THSD7B: variants seen among roughly 807,000 people sequenced by gnomAD.
The protein encoded by THSD7B is thrombospondin type-1 domain-containing protein 7B.
In THSD7B, 138 loss-of-function variants were observed where a neutral mutation model predicts 213.6. The observed-to-expected ratio is 0.65, with a 90% CI of 0.56 to 0.74. The LOEUF is 0.74. Ranked by LOEUF, THSD7B falls within the 30% of genes least tolerant of loss-of-function variation. The pLI, the probability that THSD7B is intolerant of heterozygous loss-of-function variation, is 0.00. For missense variants in THSD7B, 1,931 were observed against 1,991.5 expected (o/e 0.97, Z 0.58); for synonymous variants, 742 against 687.0 (o/e 1.08, Z -1.25).
At position 137,252,282 on chromosome 2, in the gene THSD7B, A is replaced by AC. The variant is rs1159569869; in HGVS notation, c.2266+9710_2266+9711insC. Among the ~76,000 whole-genome samples the AC allele has an allele frequency of 5.3e-5, 8 of 151,176 alleles. No homozygotes were observed. In the East Asian group the frequency reaches 5.8e-4, roughly 11 times the overall value. On this transcript the variant is annotated intron_variant, in intron 10 of 27. Coordinates refer to ENST00000409968, the MANE Select transcript of THSD7B (RefSeq NM_001316349.2). ...ACTCTGTCTCAAAAAAAAAAAAAAA[A>AC]AAAAAAAACAAAGGGTTGGGGGGCT...
intron 15 of THSD7B, among the ~76,000 whole-genome samples, chr2:137,502,928 GTCCATTCAC>G (rs1679743475): frequency 6.6e-6 from 1 of 152,040 alleles, no homozygotes; most frequent in South Asian, 2.1e-4. Context: ...AATGGAAAAA[GTCCATTCAC>G]TCTGTAATTT....
At chr2:137,583,923 TTTGGCAGTA>T (rs1681648720) in intron 17 of THSD7B, among the ~76,000 whole-genome samples, 1 of 152,190 alleles carries the variant, frequency 6.6e-6, no homozygotes, top group South Asian at 2.1e-4. Flanking sequence ...ATAAATTACC[TTTGGCAGTA>T]TGGGCATTTT....
intron 12 of THSD7B, among the ~76,000 whole-genome samples, chr2:137,399,526 C>T (rs1325418728): frequency 1.3e-5 from 2 of 152,162 alleles, no homozygotes; most frequent in Non-Finnish European, 2.9e-5. Context: ...TTCCCATTCT[C>T]TTCTGGCCTG....
intron 3 of THSD7B, among the ~76,000 whole-genome samples, chr2:137,057,744 G>A (rs1023278004): frequency 3.9e-5 from 6 of 152,072 alleles, no homozygotes; most frequent in Admixed American, 6.5e-5. Flanking sequence ...CAATAATACC[G>A]AAAAGTTGTT....
chr2:137,197,004 C>T (rs931262675), intron 7 of THSD7B, among the ~76,000 whole-genome samples: 1 of 152,106 alleles, frequency 6.6e-6, no homozygotes, highest in Non-Finnish European at 1.5e-5. Flanking sequence ...AAGGTGCAGA[C>T]CCTGAATCTA....
chr2:137,091,129 ATTAGGATCCCT>A (rs1332605028), intron 3 of THSD7B, among the ~76,000 whole-genome samples: 1 of 152,228 alleles, frequency 6.6e-6, no homozygotes, highest in Non-Finnish European at 1.5e-5. Flanking sequence ...GAAAACAAGA[ATTAGGATCCCT>A]TTTCGAAAAT....
chr2:136,854,510 C>T (rs989214196), intron 1 of THSD7B, among the ~76,000 whole-genome samples: 5 of 151,976 alleles, frequency 3.3e-5, no homozygotes, highest in Non-Finnish European at 7.4e-5. Context: ...GTGATGTCCT[C>T]CCATGGCCCC....
In THSD7B at chr2:137,321,886, G is replaced by A. The variant is rs1443259172; in HGVS notation, c.2500+45860G>A. On this transcript the variant is annotated intron_variant, in intron 12 of 27. Transcript: ENST00000409968. ...TCATAATAATTAACTTCTGTGCCTT[G>A]TGAGCAGGAAAGCAGCATCAGCTAT... 1.4e-3 allele frequency among the ~76,000 whole-genome samples: 220 copies of A among 152,330 alleles called. 1 individual carries two copies. Among genetic ancestry groups the A allele is most frequent in the Non-Finnish European group, 2.2e-3 (152 of 68,034 alleles).
intron 13 of THSD7B, among the ~76,000 whole-genome samples, chr2:137,407,571 T>C (rs1686556358): frequency 6.6e-6 from 1 of 152,194 alleles, no homozygotes; most frequent in Non-Finnish European, 1.5e-5. Context: ...TATTTTGTTA[T>C]CTCTAAGTAA....
intron 12 of THSD7B, among the ~76,000 whole-genome samples, chr2:137,375,385 A>G (rs1291459655): frequency 6.6e-6 from 1 of 152,190 alleles, no homozygotes. Flanking sequence ...TTTACATTGA[A>G]AAATGAATCT....
At chr2:137,452,626 T>C (rs888169878) in intron 15 of THSD7B, among the ~76,000 whole-genome samples, 2 of 152,168 alleles carry the variant, frequency 1.3e-5, no homozygotes, top group African/African-American at 4.8e-5. Context: ...TGTTAAACAC[T>C]CATTTTAATA....
chr2:136,886,528 A>G (rs1683720021), intron 2 of THSD7B, among the ~76,000 whole-genome samples: 1 of 152,128 alleles, frequency 6.6e-6, no homozygotes, highest in Non-Finnish European at 1.5e-5. Context: ...ATGCCTGGAG[A>G]CATTTCTGGT....
At chr2:137,511,454 A>C (rs1226068883) in intron 15 of THSD7B, among the ~76,000 whole-genome samples, 2 of 152,206 alleles carry the variant, frequency 1.3e-5, no homozygotes, top group African/African-American at 4.8e-5. Context: ...TCCCCCCTGC[A>C]ACCAAAGGGT....
intron 12 of THSD7B, among the ~76,000 whole-genome samples, chr2:137,288,926 C>T (rs887782824): frequency 6.6e-6 from 1 of 152,060 alleles, no homozygotes; most frequent in Non-Finnish European, 1.5e-5. Context: ...GATGCTCCTT[C>T]ACTTTGAAAT....
intron 4 of THSD7B, among the ~76,000 whole-genome samples, chr2:137,114,095 C>A (rs2104937537): frequency 6.6e-6 from 1 of 152,242 alleles, no homozygotes; most frequent in South Asian, 2.1e-4. Flanking sequence ...TTTTGTAAAG[C>A]CAGGATCTTG....
At chr2:137,516,411 C>T (rs1183444046) in intron 15 of THSD7B, among the ~76,000 whole-genome samples, 1 of 152,192 alleles carries the variant, frequency 6.6e-6, no homozygotes, top group African/African-American at 2.4e-5. Context: ...ACATTACCAA[C>T]AATTTACACT....
intron 2 of THSD7B, among the ~76,000 whole-genome samples, chr2:136,894,261 TTTAATC>T (rs1294926098): frequency 6.6e-6 from 1 of 152,248 alleles, no homozygotes; most frequent in Non-Finnish European, 1.5e-5. Context: ...GTGCTGCACT[TTTAATC>T]TTTTTAGAAA....
At chr2:137,610,037 G>A (rs1240415547) in intron 17 of THSD7B, among the ~76,000 whole-genome samples, 1 of 152,092 alleles carries the variant, frequency 6.6e-6, no homozygotes, top group African/African-American at 2.4e-5. Context: ...ACAGAGATGG[G>A]AAAGATTAGA....
intron 2 of THSD7B, among the ~76,000 whole-genome samples, chr2:136,927,934 A>C (rs2105042871): frequency 6.6e-6 from 1 of 152,342 alleles, no homozygotes; most frequent in Non-Finnish European, 1.5e-5. Flanking sequence ...TGTCATCTCC[A>C]GGTTTGGAAG....
Sources: allele counts gnomAD v4.1 joint callset (sites outside exome capture counted in the v4.1 genomes callset), GRCh38; gene constraint gnomAD v4.1.1; transcripts MANE v1.5; gene names NCBI Gene and HGNC (gene_info 2026-07-23, HGNC 2026-07-21).